Variants in COG3 observed in about 807,000 individuals in gnomAD.
COG3 encodes the protein conserved oligomeric Golgi complex subunit 3.
COG3 carries 32 observed loss-of-function variants against 114.1 expected under a neutral mutation model. The ratio of observed to expected loss-of-function variants is 0.28; its 90% CI spans 0.21 to 0.38. The LOEUF is 0.38. COG3 is among the 10% of genes least tolerant of loss of function. The pLI is 1.00. For missense variants in COG3, 813 were observed against 973.2 expected, an observed-to-expected ratio of 0.84 and a Z score of 2.19; for synonymous variants, 352 against 365.7, an observed-to-expected ratio of 0.96 and a Z score of 0.43.
intron 16 of COG3, among the ~76,000 whole-genome samples, chr13:45,512,856 C>T (rs1871022717): frequency 6.6e-6 from 1 of 152,086 alleles, no homozygotes. Flanking sequence ...CTCAAATGAT[C>T]CTCTTGACTC....
At chr13:45,475,260 C>T (rs1454744325) in intron 1 of COG3, among the ~76,000 whole-genome samples, 3 of 152,190 alleles carry the variant, frequency 2.0e-5, no homozygotes, top group East Asian at 1.9e-4. Context: ...GTGGGTGGCA[C>T]GACCTTGACT....
intron 16 of COG3, among the ~76,000 whole-genome samples, chr13:45,512,651 A>C (rs1870994394): frequency 6.7e-6 from 1 of 149,362 alleles, no homozygotes; most frequent in African/African-American, 2.5e-5. Flanking sequence ...TTTCTGAGAG[A>C]GGGTCTTACT....
chr13:45,488,216 G>A (rs1886788176), intron 8 of COG3, among the ~76,000 whole-genome samples: 1 of 152,184 alleles, frequency 6.6e-6, no homozygotes, highest in South Asian at 2.1e-4. Flanking sequence ...AGATACCAGA[G>A]GCTGGGGTGG....
At chr13:45,508,333 C>G (rs114868355) in intron 14 of COG3, among the ~76,000 whole-genome samples, 3,270 of 147,062 alleles carry the variant, frequency 0.022, 110 homozygotes, top group African/African-American at 0.076. Context: ...TGATGAACAC[C>G]CATACCCACA....
intron 3 of COG3, among the ~76,000 whole-genome samples, chr13:45,479,690 C>G (rs531981867): frequency 1.2e-4 from 19 of 152,308 alleles, no homozygotes; most frequent in African/African-American, 4.3e-4. Context: ...TAATCTCATG[C>G]AGACTGGGCA....
Position 45,483,233 on chromosome 13 carries a change from A to G in COG3, c.721A>G (p.Asn241Asp), listed in dbSNP as rs767878227. 1.1e-5 allele frequency: 17 copies of G among 1,581,392 alleles called. No homozygotes were observed. The highest frequency in any genetic ancestry group is 1.5e-5 in the Non-Finnish European group (17 of 1,156,204). Residue 241 changes from asparagine (N) to aspartate (D), a missense_variant, in exon 7 of 23, where the codon AAT becomes GAT. Around this residue, in one of 2 missense-constraint regions of COG3, gnomAD observed 424 missense variants for 430.6 expected, o/e 0.98. Transcript: ENST00000349995. ...DCITYISSHP[N>D]FKDYPIYLLK... ...AATCTTTCTCTTTTCCTTACAGCCT[A>G]ATTTTAAAGATTATCCCATATATTT...
At chr13:45,518,934 G>C in intron 18 of COG3, 26 bp from the exon 19 acceptor site, 1 of 1,613,786 alleles carries the variant, frequency 6.2e-7, no homozygotes, top group Non-Finnish European at 8.5e-7. Flanking sequence ...ATAAAAACAG[G>C]AGGAAATTGT....
rs377184386 is a variant in COG3 at position 45,513,374 on chromosome 13, C to T, written c.1809+1520C>T. ...ATATAATATATACATATAAATTATACATATAATATATACATATAAATTATA... is the reference window on the plus strand; with the variant it reads ...ATATAATATATACATATAAATTATATATATAATATATACATATAAATTATA... On this transcript the variant is annotated intron_variant, in intron 16 of 22. Coordinates refer to ENST00000349995, the MANE Select transcript of COG3 (RefSeq NM_031431.4). 1.2e-4 allele frequency among the ~76,000 whole-genome samples: 14 copies of T among 116,102 alleles called. 1 individual carries two copies. The highest frequency in any genetic ancestry group is 4.9e-4 in the African/African-American group (13 of 26,454). 76.2% of individuals were successfully genotyped at this position (116,102 alleles called of 152,430 possible).
intron 13 of COG3, among the ~76,000 whole-genome samples, chr13:45,499,431 T>C (rs1025364203): frequency 1.3e-5 from 2 of 152,270 alleles, no homozygotes; most frequent in African/African-American, 4.8e-5. Flanking sequence ...TCTGCAGATT[T>C]CAAATCTCTT....
intron 20 of COG3, 24 bp downstream of exon 20, chr13:45,525,075 A>C: frequency 3.7e-6 from 6 of 1,602,860 alleles, no homozygotes; most frequent in Non-Finnish European, 5.1e-6. Flanking sequence ...ACCATTTTGG[A>C]TTTCTTTTTT....
chr13:45,490,036 A>G (rs948728025), intron 8 of COG3, among the ~76,000 whole-genome samples: 2 of 152,196 alleles, frequency 1.3e-5, no homozygotes, highest in Non-Finnish European at 2.9e-5. Flanking sequence ...TTGAAAAAAT[A>G]GTAAGCTTTT....
intron 13 of COG3, among the ~76,000 whole-genome samples, chr13:45,496,775 G>C (rs1044737465): frequency 5.9e-5 from 9 of 152,032 alleles, no homozygotes; most frequent in African/African-American, 1.7e-4. Context: ...ACGGGTTCGC[G>C]CCATTCTCCT....
chr13:45,465,041 C>G lies in COG3; in HGVS notation c.5C>G (p.Ala2Gly), dbSNP rs760744868. Residue 2 changes from alanine to glycine, a missense_variant, in exon 1 of 23, where the codon GCG becomes GGG. By Grantham distance (60) the Ala-to-Gly change is moderately conservative (BLOSUM62 0). This residue lies in a region of COG3 where 424 missense variants were observed against 430.6 expected (regional missense o/e 0.98). Transcript: ENST00000349995. M[A>G]EAALLLLPEA... The stretch of plus-strand genomic sequence containing the variant: ...AAGGCCGCGAGGGCGGCGGCGATGG[C>G]GGAGGCGGCGCTGTTGCTGCTGCCT... The G allele has an allele frequency of 1.3e-6, 2 of 1,571,530 alleles. No homozygotes were observed. The highest frequency in any genetic ancestry group is 1.7e-6 in the Non-Finnish European group (2 of 1,160,552).
At chr13:45,534,554 CA>C in intron 22 of COG3, 147 bp from the exon 23 acceptor site, 2 of 427,484 alleles carry the variant, frequency 4.7e-6, no homozygotes. Context: ...ATTTTAGATT[CA>C]AGGGGTACAT....
intron 22 of COG3, chr13:45,531,183 G>A (rs906077996): frequency 7.7e-5 from 36 of 469,912 alleles, no homozygotes; most frequent in African/African-American, 7.0e-4. Context: ...TTGGCTACAC[G>A]AGTAAGTTCT....
chr13:45,467,808 C>T (rs1012314341), intron 1 of COG3, among the ~76,000 whole-genome samples: 1 of 152,176 alleles, frequency 6.6e-6, no homozygotes, highest in African/African-American at 2.4e-5. Flanking sequence ...TTTGTCCAAT[C>T]AGTATAACTC....
At chr13:45,514,403 C>T (rs925392364) in intron 16 of COG3, among the ~76,000 whole-genome samples, 4 of 152,126 alleles carry the variant, frequency 2.6e-5, no homozygotes, top group Non-Finnish European at 4.4e-5. Context: ...TCAAGTGATC[C>T]ACCCGCCTTG....
chr13:45,493,609 G>C, intron 12 of COG3, 123 bp downstream of exon 12: 1 of 764,764 alleles, frequency 1.3e-6, no homozygotes, highest in Non-Finnish European at 2.0e-6. Context: ...AGCTTGGCTT[G>C]ATGCCTTACC....
intron 14 of COG3, among the ~76,000 whole-genome samples, chr13:45,508,401 T>TACAC (rs1473495289): frequency 3.4e-4 from 37 of 109,474 alleles, no homozygotes; most frequent in African/African-American, 1.4e-3. Context: ...TATATATATA[T>TACAC]ATACACACAC....
Sources: allele counts gnomAD v4.1 joint callset (sites outside exome capture counted in the v4.1 genomes callset), GRCh38; gene constraint gnomAD v4.1.1; regional missense constraint gnomAD v4.1.1; transcripts MANE v1.5; gene names NCBI Gene and HGNC (gene_info 2026-07-23, HGNC 2026-07-21).